Variants in GLIPR1L2 observed in about 807,000 individuals in gnomAD.
The protein encoded by GLIPR1L2 is GLIPR1-like protein 2.
GLIPR1L2 carries 21 observed loss-of-function variants against 28.4 expected under a neutral mutation model. The observed-to-expected ratio is 0.74, with a 90% CI of 0.52 to 1.06. The LOEUF (loss-of-function observed/expected upper bound fraction) is 1.06. Ranked by LOEUF, GLIPR1L2 falls within the 50% of genes least tolerant of loss-of-function variation. The probability of loss-of-function intolerance (pLI) is 0.00; values close to 1 mark genes in which losing one functional copy is unlikely to be tolerated. For synonymous variants in GLIPR1L2, 145 were observed against 139.3 expected (o/e 1.04, Z -0.29); for missense variants, 476 against 416.9 (o/e 1.14, Z -1.23).
intron 4 of GLIPR1L2, among the ~76,000 whole-genome samples, chr12:75,426,515 G>T (rs74817694): frequency 0.04 from 6,147 of 152,254 alleles, 136 homozygotes; most frequent in East Asian, 0.054. Context: ...TCACCCTGGT[G>T]GTTGCTTTTC....
At chr12:75,427,909 C>A (rs1461389542) in intron 4 of GLIPR1L2, among the ~76,000 whole-genome samples, 1 of 152,198 alleles carries the variant, frequency 6.6e-6, no homozygotes, top group African/African-American at 2.4e-5. Context: ...AACTGTGAGT[C>A]AATTAAACCT....
Position 75,391,308 on chromosome 12 carries a change from G to A in GLIPR1L2, c.192G>A (p.Leu64=), listed in dbSNP as rs1320400103. 1.2e-6 allele frequency: 2 copies of A among 1,614,204 alleles called. No individual in the cohort carries two copies. The highest frequency in any genetic ancestry group is 2.7e-5 in the African/African-American group (2 of 75,062). The change falls in exon 1 of 6, where the codon CTG becomes CTA. Residue 64 remains leucine, a synonymous_variant. Coordinates refer to ENST00000550916, the MANE Select transcript of GLIPR1L2 (RefSeq NM_001270396.2). The stretch of plus-strand genomic sequence containing the variant: ...AGTACGTGAACCTCCACAATGAGCT[G>A]CGGGGCGACGTCATTCCCCGAGGGT... The part of the protein sequence containing the change: ...INEYVNLHNE[L]RGDVIPRGSN...
At chr12:75,391,523 C>G in intron 1 of GLIPR1L2, 173 bp downstream of exon 1, 1 of 1,531,764 alleles carries the variant, frequency 6.5e-7, no homozygotes, top group Non-Finnish European at 8.7e-7. Context: ...TGCGGACACT[C>G]TAACACATGC....
intron 1 of GLIPR1L2, among the ~76,000 whole-genome samples, chr12:75,402,390 C>T (rs953393072): frequency 6.6e-6 from 1 of 151,936 alleles, no homozygotes; most frequent in Non-Finnish European, 1.5e-5. Context: ...ATGGAAGATT[C>T]AATTCATTTT....
chr12:75,398,184 C>T (rs1359585716), intron 1 of GLIPR1L2, among the ~76,000 whole-genome samples: 1 of 151,654 alleles, frequency 6.6e-6, no homozygotes, highest in Non-Finnish European at 1.5e-5. Flanking sequence ...ACAAAAATTG[C>T]CGAGCGTTGT....
chr12:75,410,515 G>A lies in GLIPR1L2; in HGVS notation c.316G>A (p.Val106Ile), dbSNP rs2045855474. 6.2e-7 allele frequency: 1 copy of A among 1,611,928 alleles called. No homozygotes were observed. Among genetic ancestry groups the A allele is most frequent in the Non-Finnish European group, 8.5e-7 (1 of 1,178,674 alleles). ...TACGCATAATATTTATTTACAAGAT[G>A]TACAAATGGTCCATCCTAAATTTTA... is the stretch of plus-strand genomic sequence containing the variant. ...LFTHNIYLQD[V>I]QMVHPKFYGI... Residue 106 changes from valine to isoleucine, a missense_variant, in exon 2 of 6, where the codon GTA becomes ATA. Coordinates refer to ENST00000550916, the MANE Select transcript of GLIPR1L2 (RefSeq NM_001270396.2).
intron 2 of GLIPR1L2, 59 bp from the exon 3 acceptor site, chr12:75,413,539 A>G: frequency 2.2e-6 from 2 of 902,312 alleles, no homozygotes; most frequent in Non-Finnish European, 3.5e-6. Flanking sequence ...TATTGTTTAT[A>G]ATATGAAAGT....
chr12:75,397,231 G>C (rs2045690604), intron 1 of GLIPR1L2, among the ~76,000 whole-genome samples: 1 of 151,644 alleles, frequency 6.6e-6, no homozygotes, highest in Non-Finnish European at 1.5e-5. Flanking sequence ...TATTTAACTG[G>C]CCAATTGATT....
At position 75,407,052 on chromosome 12, in the gene GLIPR1L2, G is replaced by T. The variant is rs540630184; in HGVS notation, c.235-3382G>T. ...CCTTGAGCTCTACCTGGCCTGACCT[G>T]ACTACACTGGCCTGTCTTCAGCAAG... On this transcript the variant is annotated intron_variant, in intron 1 of 5. Coordinates refer to ENST00000550916, the MANE Select transcript of GLIPR1L2 (RefSeq NM_001270396.2). Among the ~76,000 whole-genome samples, 4 of 152,096 alleles carry T rather than the reference G, an allele frequency of 2.6e-5. No individual in the cohort carries two copies. In the South Asian group the frequency reaches 8.3e-4, roughly 32 times the overall value.
chr12:75,431,420 G>A lies in GLIPR1L2; in HGVS notation c.*259G>A. ...ATAAAGACATGACAGGAAAAACACT[G>A]AAAAACATTTGACCAGTCTAATTAA... On this transcript the variant is annotated 3_prime_UTR_variant, in exon 6 of 6. Transcript: ENST00000550916. 2.9e-6 allele frequency: 1 copy of A among 340,006 alleles called. No individual in the cohort carries two copies. 21.1% of individuals were successfully genotyped at this position (340,006 alleles called of 1,614,324 possible). A position where few individuals can be genotyped will look rare whatever the true frequency, so the allele number is the denominator to read the frequency against.
chr12:75,410,141 G>A (rs1344718007), intron 1 of GLIPR1L2, among the ~76,000 whole-genome samples: 10 of 151,614 alleles, frequency 6.6e-5, no homozygotes, highest in Non-Finnish European at 1.3e-4. Context: ...CAGACTATAG[G>A]TAAGTGTATT....
chr12:75,429,840 C>A (rs1005118646), intron 4 of GLIPR1L2, among the ~76,000 whole-genome samples: 12 of 152,066 alleles, frequency 7.9e-5, no homozygotes, highest in Admixed American at 7.9e-4. Flanking sequence ...TGCCTTGTTT[C>A]CCCTTCACCT....
At chr12:75,428,282 A>T (rs962599200) in intron 4 of GLIPR1L2, among the ~76,000 whole-genome samples, 3 of 152,168 alleles carry the variant, frequency 2.0e-5, no homozygotes, top group Non-Finnish European at 4.4e-5. Flanking sequence ...GGCTGGTGGC[A>T]TTTTTACCCA....
At chr12:75,400,883 C>CTA (rs1378714869) in intron 1 of GLIPR1L2, among the ~76,000 whole-genome samples, 1 of 151,438 alleles carries the variant, frequency 6.6e-6, no homozygotes, top group Admixed American at 6.6e-5. Flanking sequence ...ATGAAATGGG[C>CTA]AAACAAAACA....
intron 3 of GLIPR1L2, among the ~76,000 whole-genome samples, chr12:75,417,478 T>C (rs2045934626): frequency 1.3e-5 from 2 of 152,160 alleles, no homozygotes; most frequent in Admixed American, 1.3e-4. Context: ...TTTGTTAATA[T>C]AGTTACAGAA....
intron 4 of GLIPR1L2, among the ~76,000 whole-genome samples, chr12:75,429,932 TTCTTTC>T (rs1387730495): frequency 5.5e-5 from 5 of 90,862 alleles, no homozygotes; most frequent in East Asian, 1.0e-3. Flanking sequence ...TTCTTTTCTT[TTCTTTC>T]TTTTTTTTTT....
chr12:75,400,287 T>C (rs2045726016), intron 1 of GLIPR1L2, among the ~76,000 whole-genome samples: 2 of 151,752 alleles, frequency 1.3e-5, no homozygotes, highest in South Asian at 4.2e-4. Context: ...CCCGGCTAAT[T>C]TTTTTTTGTA....
chr12:75,400,476 T>C (rs1594002304), intron 1 of GLIPR1L2, among the ~76,000 whole-genome samples: 1 of 152,274 alleles, frequency 6.6e-6, no homozygotes, highest in Middle Eastern at 3.4e-3. Flanking sequence ...AAAAGCAAGG[T>C]ACATTATGAT....
intron 1 of GLIPR1L2, among the ~76,000 whole-genome samples, chr12:75,407,154 C>T (rs1011147249): frequency 2.6e-5 from 4 of 152,046 alleles, no homozygotes; most frequent in African/African-American, 7.2e-5. Context: ...TCATTGACCC[C>T]CTCATCCTAC....
Sources: allele counts gnomAD v4.1 joint callset (sites outside exome capture counted in the v4.1 genomes callset), GRCh38; gene constraint gnomAD v4.1.1; transcripts MANE v1.5; gene names NCBI Gene and HGNC (gene_info 2026-07-23, HGNC 2026-07-21).